The following CNST variants were observed in gnomAD, a reference collection of about 807,000 sequenced individuals.
CNST encodes the protein consortin.
A neutral mutation model predicts 72.4 loss-of-function variants in CNST; 39 were observed. The ratio of observed to expected loss-of-function variants is 0.54; its 90% CI spans 0.42 to 0.70. The LOEUF (loss-of-function observed/expected upper bound fraction) is 0.70. CNST is among the 30% of genes least tolerant of loss of function. CNST has a pLI of 0.00. For synonymous variants in CNST, 332 were observed against 320.1 expected (o/e 1.04, Z -0.40); for missense variants, 871 against 868.5 (o/e 1.00, Z -0.04).
At chr1:246,587,295 A>T (rs1258132069) in intron 1 of CNST, among the ~76,000 whole-genome samples, 2 of 152,224 alleles carry the variant, frequency 1.3e-5, no homozygotes, top group African/African-American at 4.8e-5. Context: ...AATGCAAGCT[A>T]TTTTGTCAGG....
chr1:246,587,481 G>A (rs1311320418), intron 1 of CNST, among the ~76,000 whole-genome samples: 2 of 152,162 alleles, frequency 1.3e-5, no homozygotes, highest in African/African-American at 2.4e-5. Flanking sequence ...TTTAAAAGAG[G>A]TGGCTATAGT....
intron 1 of CNST, among the ~76,000 whole-genome samples, chr1:246,591,047 T>C (rs1194556265): frequency 2.6e-5 from 4 of 152,196 alleles, no homozygotes; most frequent in Non-Finnish European, 5.9e-5. Context: ...TTCCAAATAT[T>C]GCTGCTGTTT....
At chr1:246,635,869 A>C in intron 6 of CNST, among the ~76,000 whole-genome samples, 1 of 152,040 alleles carries the variant, frequency 6.6e-6, no homozygotes, top group Non-Finnish European at 1.5e-5. Context: ...GCCTTTAAGG[A>C]CCGTTTTTCT....
At chr1:246,632,075 C>A in intron 4 of CNST, 151 bp downstream of exon 4, 1 of 519,026 alleles carries the variant, frequency 1.9e-6, no homozygotes, top group Non-Finnish European at 3.4e-6. Flanking sequence ...GTAACCACCT[C>A]AGAAAGCAAA....
intron 2 of CNST, among the ~76,000 whole-genome samples, chr1:246,597,788 G>C (rs1407973251): frequency 1.3e-5 from 2 of 152,090 alleles, no homozygotes; most frequent in African/African-American, 2.4e-5. Context: ...TTACCTATAT[G>C]ATCTTAGAAA....
At chr1:246,589,216 TA>T (rs1463076259) in intron 1 of CNST, among the ~76,000 whole-genome samples, 2 of 151,822 alleles carry the variant, frequency 1.3e-5, no homozygotes, top group African/African-American at 2.4e-5. Flanking sequence ...CTGCACCCAT[TA>T]ACTCGTCATC....
At chr1:246,601,610 C>A (rs909674094) in intron 2 of CNST, among the ~76,000 whole-genome samples, 7 of 151,866 alleles carry the variant, frequency 4.6e-5, no homozygotes, top group Admixed American at 3.3e-4. Flanking sequence ...GCCTGACCAA[C>A]ATGGAGAAAC....
At chr1:246,644,017 G>A (rs1331008385) in intron 8 of CNST, among the ~76,000 whole-genome samples, 6 of 152,098 alleles carry the variant, frequency 3.9e-5, no homozygotes, top group Non-Finnish European at 8.8e-5. Context: ...TGTATTTCGT[G>A]GCATAGCTGC....
intron 6 of CNST, among the ~76,000 whole-genome samples, chr1:246,636,155 A>G (rs920235806): frequency 2.6e-5 from 4 of 152,152 alleles, no homozygotes; most frequent in Admixed American, 6.5e-5. Context: ...AGGTAGCTGA[A>G]GTTAGAGGGA....
chr1:246,619,437 G>T (rs1663909823), intron 2 of CNST, among the ~76,000 whole-genome samples: 1 of 152,200 alleles, frequency 6.6e-6, no homozygotes, highest in South Asian at 2.1e-4. Flanking sequence ...ACAGCACGTG[G>T]AATTGTAGTG....
intron 9 of CNST, among the ~76,000 whole-genome samples, chr1:246,656,006 T>A (rs1381081772): frequency 6.6e-6 from 1 of 152,230 alleles, no homozygotes; most frequent in African/African-American, 2.4e-5. Context: ...AGCAGTAAAT[T>A]TGACATGTGC....
chr1:246,578,857 A>C (rs543813577), intron 1 of CNST, among the ~76,000 whole-genome samples: 1 of 152,274 alleles, frequency 6.6e-6, no homozygotes, highest in African/African-American at 2.4e-5. Context: ...CAGTCTGCCT[A>C]GGTTGAGTCC....
At chr1:246,630,692 G>T (rs890574058) in intron 3 of CNST, among the ~76,000 whole-genome samples, 4 of 114,428 alleles carry the variant, frequency 3.5e-5, no homozygotes, top group Non-Finnish European at 5.1e-5. Context: ...ATGTATAAAG[G>T]TTATACCTTT....
At chr1:246,628,755 C>G (rs774123482) in intron 3 of CNST, among the ~76,000 whole-genome samples, 1 of 152,140 alleles carries the variant, frequency 6.6e-6, no homozygotes, top group African/African-American at 2.4e-5. Flanking sequence ...CCTGGGAACT[C>G]GGTTTCAACA....
chr1:246,636,456 C>T (rs946103691), intron 6 of CNST, among the ~76,000 whole-genome samples: 1 of 152,174 alleles, frequency 6.6e-6, no homozygotes, highest in African/African-American at 2.4e-5. Flanking sequence ...AGCAATTGGA[C>T]ACATTCGTGG....
chr1:246,636,842 G>A (rs889379981), intron 6 of CNST, among the ~76,000 whole-genome samples: 9 of 152,184 alleles, frequency 5.9e-5, no homozygotes, highest in African/African-American at 2.2e-4. Context: ...GTGAAGGACT[G>A]TTGACATGAG....
intron 3 of CNST, among the ~76,000 whole-genome samples, chr1:246,626,248 A>G (rs367566548): frequency 6.6e-6 from 1 of 151,670 alleles, no homozygotes; most frequent in South Asian, 2.1e-4. Context: ...ACGGGGTTTC[A>G]CCATGTTGCC....
Position 246,641,666 on chromosome 1 carries a change from T to C in CNST, c.819-83T>C, listed in dbSNP as rs1243234714. 3 of 772,532 alleles carry C rather than the reference T, an allele frequency of 3.9e-6. No homozygotes were observed. The African/African-American group carries it at 5.2e-5, about 13-fold the overall frequency. The allele number at this position is 772,532 out of a possible 1,614,324, so 47.9% of individuals were successfully genotyped here. A position where few individuals can be genotyped will look rare whatever the true frequency, so the allele number is the denominator to read the frequency against. ...AATCCAGAGAAGCTGTATTTTTTTA[T>C]AGCCATTTCAGTGACATTTGTTTGG... On this transcript the variant is annotated intron_variant, in intron 6 of 10. Transcript: ENST00000366513.
intron 3 of CNST, among the ~76,000 whole-genome samples, chr1:246,622,918 G>C (rs912083291): frequency 1.3e-5 from 2 of 152,150 alleles, no homozygotes; most frequent in African/African-American, 2.4e-5. Flanking sequence ...CCACCTCCCA[G>C]ATTCAAGCCA....
Sources: allele counts gnomAD v4.1 joint callset (sites outside exome capture counted in the v4.1 genomes callset), GRCh38; gene constraint gnomAD v4.1.1; transcripts MANE v1.5; gene names NCBI Gene and HGNC (gene_info 2026-07-23, HGNC 2026-07-21).